Variants in NKAIN2 observed in about 807,000 individuals in gnomAD.
NKAIN2 encodes the protein sodium/potassium-transporting ATPase subunit beta-1-interacting protein 2.
A neutral mutation model predicts 32.6 loss-of-function variants in NKAIN2; 14 were observed. The ratio of observed to expected loss-of-function variants is 0.43; its 90% CI spans 0.28 to 0.67. The LOEUF is 0.67. Ranked by LOEUF, NKAIN2 falls within the 30% of genes least tolerant of loss-of-function variation. The pLI, the probability that NKAIN2 is intolerant of heterozygous loss-of-function variation, is 0.17. For synonymous variants in NKAIN2, 80 were observed against 87.2 expected (o/e 0.92, Z 0.46); for missense variants, 198 against 258.3 (o/e 0.77, Z 1.60).
chr6:124,220,592 G>A (rs1046314317), intron 1 of NKAIN2, among the ~76,000 whole-genome samples: 12 of 150,740 alleles, frequency 8.0e-5, no homozygotes, highest in African/African-American at 2.7e-4. Context: ...TTTCTTAGAA[G>A]AAATTTATAG....
At chr6:123,940,363 T>C (rs1362801865) in intron 1 of NKAIN2, among the ~76,000 whole-genome samples, 1 of 149,380 alleles carries the variant, frequency 6.7e-6, no homozygotes, top group Non-Finnish European at 1.5e-5. Flanking sequence ...TGTGTATGTG[T>C]GTATATGTAT....
At chr6:124,425,809 T>C (rs1774958818) in intron 3 of NKAIN2, among the ~76,000 whole-genome samples, 1 of 152,000 alleles carries the variant, frequency 6.6e-6, no homozygotes, top group South Asian at 2.1e-4. Context: ...AAATAACAAG[T>C]GTTGGAGGGT....
At chr6:124,146,878 G>T (rs1787435541) in intron 1 of NKAIN2, among the ~76,000 whole-genome samples, 3 of 152,148 alleles carry the variant, frequency 2.0e-5, no homozygotes, top group African/African-American at 7.2e-5. Flanking sequence ...TAAAATTCAG[G>T]AATATGTTTC....
chr6:124,690,295 T>G (rs1258050035), intron 4 of NKAIN2, among the ~76,000 whole-genome samples: 1 of 152,178 alleles, frequency 6.6e-6, no homozygotes, highest in East Asian at 1.9e-4. Flanking sequence ...TTTATTAATC[T>G]TATATCCTGC....
intron 3 of NKAIN2, among the ~76,000 whole-genome samples, chr6:124,560,228 A>G (rs944893486): frequency 1.3e-5 from 2 of 152,060 alleles, no homozygotes; most frequent in Non-Finnish European, 2.9e-5. Context: ...TGCTTCTCTC[A>G]TGATAGTGAG....
intron 1 of NKAIN2, among the ~76,000 whole-genome samples, chr6:123,879,197 A>G (rs6917415): frequency 0.25 from 37,911 of 151,754 alleles, 5,251 homozygotes; most frequent in East Asian, 0.49. Flanking sequence ...CATCACAGCT[A>G]TGCCCTCAGT....
At chr6:124,108,836 T>A (rs920940760) in intron 1 of NKAIN2, among the ~76,000 whole-genome samples, 8 of 152,068 alleles carry the variant, frequency 5.3e-5, no homozygotes, top group Non-Finnish European at 1.0e-4. Flanking sequence ...TTGTCAAAGA[T>A]CAGTTGACCA....
intron 1 of NKAIN2, among the ~76,000 whole-genome samples, chr6:124,031,239 T>C (rs926913254): frequency 2.2e-4 from 33 of 152,068 alleles, no homozygotes; most frequent in African/African-American, 8.0e-4. Flanking sequence ...TGCCTTTAAA[T>C]AGAGTGCTGG....
At chr6:124,808,824 C>G (rs1488810935) in intron 5 of NKAIN2, among the ~76,000 whole-genome samples, 1 of 152,166 alleles carries the variant, frequency 6.6e-6, no homozygotes, top group South Asian at 2.1e-4. Context: ...CACAAGCATT[C>G]TTATACACCA....
chr6:124,118,950 G>T (rs1467711344), intron 1 of NKAIN2, among the ~76,000 whole-genome samples: 1 of 152,136 alleles, frequency 6.6e-6, no homozygotes, highest in Admixed American at 6.5e-5. Flanking sequence ...GCCAGATTTG[G>T]TTCATGGACT....
At chr6:123,971,030 T>C (rs1778316243) in intron 1 of NKAIN2, among the ~76,000 whole-genome samples, 1 of 152,178 alleles carries the variant, frequency 6.6e-6, no homozygotes, top group Admixed American at 6.5e-5. Context: ...TTGATTTATA[T>C]TTATTGAAAG....
At chr6:124,571,241 T>G (rs1781116317) in intron 3 of NKAIN2, among the ~76,000 whole-genome samples, 1 of 152,196 alleles carries the variant, frequency 6.6e-6, no homozygotes, top group Non-Finnish European at 1.5e-5. Flanking sequence ...GACTTTGGAC[T>G]GTGGACTTTT....
rs114858212 is a variant in NKAIN2 at position 124,800,174 on chromosome 6, G to A, written c.535+8775G>A. 3.2e-3 allele frequency among the ~76,000 whole-genome samples: 484 copies of A among 152,258 alleles called. 3 individuals are homozygous for A. The highest frequency in any genetic ancestry group is 0.011 in the African/African-American group (454 of 41,538). On this transcript the variant is annotated intron_variant, in intron 5 of 6. Coordinates refer to ENST00000368417, the MANE Select transcript of NKAIN2 (RefSeq NM_001040214.3). ...AGTCTCTTGACGAATGATGCTGGCCGGTGCCCACTTCCTTATGCCCGGTTC... is the reference window on the plus strand; with the variant it reads ...AGTCTCTTGACGAATGATGCTGGCCAGTGCCCACTTCCTTATGCCCGGTTC...
In NKAIN2 at chr6:124,806,300, A is replaced by T. The variant is rs192554725; in HGVS notation, c.536-12087A>T. On this transcript the variant is annotated intron_variant, in intron 5 of 6. Coordinates refer to ENST00000368417, the MANE Select transcript of NKAIN2 (RefSeq NM_001040214.3). ...ACTAACAGCGGATCTCTTGGCAGAA[A>T]CTCTACAAGCCAGAAGAGAGTGAGG... Among the ~76,000 whole-genome samples the T allele has an allele frequency of 3.6e-3, 555 of 152,324 alleles. 3 individuals carry two copies. The highest frequency in any genetic ancestry group is 0.013 in the African/African-American group (536 of 41,580).
chr6:124,104,267 A>C (rs781484196), intron 1 of NKAIN2, among the ~76,000 whole-genome samples: 1 of 152,148 alleles, frequency 6.6e-6, no homozygotes, highest in African/African-American at 2.4e-5. Flanking sequence ...ATCTTCATGG[A>C]AAAACTTTGA....
chr6:124,323,034 GA>G (rs1324388739), intron 2 of NKAIN2, among the ~76,000 whole-genome samples: 1 of 152,152 alleles, frequency 6.6e-6, no homozygotes, highest in Non-Finnish European at 1.5e-5. Flanking sequence ...TAGTGATACT[GA>G]AAATGTTTTT....
chr6:123,978,414 A>G (rs1778740351), intron 1 of NKAIN2, among the ~76,000 whole-genome samples: 2 of 152,178 alleles, frequency 1.3e-5, no homozygotes, highest in Admixed American at 6.5e-5. Context: ...TAAATGTCAT[A>G]CTTTGGGGCA....
chr6:124,275,999 T>TA (rs1171312269), intron 1 of NKAIN2, among the ~76,000 whole-genome samples: 1 of 152,058 alleles, frequency 6.6e-6, no homozygotes, highest in Non-Finnish European at 1.5e-5. Flanking sequence ...TGTAGTCACA[T>TA]AGTGGTTAGA....
Position 124,101,354 on chromosome 6 carries a change from T to G in NKAIN2, c.55-181651T>G, listed in dbSNP as rs138047964. 3.3e-4 allele frequency among the ~76,000 whole-genome samples: 51 copies of G among 152,334 alleles called. 1 individual carries two copies. In the East Asian group the frequency reaches 9.5e-3, roughly 28 times the overall value. The stretch of plus-strand genomic sequence containing the variant: ...AAACACAGACCCAAATAGGCTGTAT[T>G]GGTCACCATTCCATTTTTGAAAGCT... On this transcript the variant is annotated intron_variant, in intron 1 of 6. Coordinates refer to ENST00000368417, the MANE Select transcript of NKAIN2 (RefSeq NM_001040214.3).
Sources: allele counts gnomAD v4.1 joint callset (sites outside exome capture counted in the v4.1 genomes callset), GRCh38; gene constraint gnomAD v4.1.1; transcripts MANE v1.5; gene names NCBI Gene and HGNC (gene_info 2026-07-23, HGNC 2026-07-21).